The following NLRP2 variants were observed in gnomAD, a reference collection of about 807,000 sequenced individuals.
The protein encoded by NLRP2 is NACHT, LRR and PYD domains-containing protein 2.
A neutral mutation model predicts 97.2 loss-of-function variants in NLRP2; 107 were observed. That is an observed-to-expected ratio of 1.10 (90% CI 0.94 to 1.29). NLRP2 has a LOEUF of 1.29. Ranked by LOEUF, NLRP2 falls within the 50% of genes most tolerant of loss-of-function variation. NLRP2 has a pLI of 0.00. For missense variants in NLRP2, 1,495 were observed against 1,330.3 expected, an observed-to-expected ratio of 1.12 and a Z score of -1.93; for synonymous variants, 663 against 551.5, an observed-to-expected ratio of 1.20 and a Z score of -2.83.
chr19:54,969,950 G>T (rs1003668741), intron 1 of NLRP2, 49 bp from the exon 2 acceptor site: 10 of 1,572,054 alleles, frequency 6.4e-6, no homozygotes, highest in African/African-American at 2.7e-5. Context: ...TTTGAGACAG[G>T]AGTGCTAATC....
chr19:54,995,568 G>GAGCA (rs2072762157), intron 11 of NLRP2, among the ~76,000 whole-genome samples: 1 of 151,628 alleles, frequency 6.6e-6, no homozygotes. Flanking sequence ...TGGGCTACAA[G>GAGCA]AGCAAGACTC....
intron 11 of NLRP2, among the ~76,000 whole-genome samples, chr19:54,994,978 C>T (rs190090203): frequency 6.6e-6 from 1 of 151,770 alleles, no homozygotes; most frequent in African/African-American, 2.4e-5. Flanking sequence ...GTGCCTCAAG[C>T]CATTCAGCCA....
intron 11 of NLRP2, among the ~76,000 whole-genome samples, chr19:54,996,037 C>CA (rs544759995): frequency 0.041 from 3,021 of 73,138 alleles, 131 homozygotes; most frequent in African/African-American, 0.11. Flanking sequence ...GATCCTGTCT[C>CA]AAAAAAAAAA....
Position 54,983,473 on chromosome 19 carries a change from G to GT in NLRP2, c.1776dup (p.Lys593Ter). On this transcript the variant is annotated frameshift_variant, in exon 6 of 13. Coordinates refer to ENST00000448584, the MANE Select transcript of NLRP2 (RefSeq NM_017852.5). LOFTEE classifies it high-confidence loss of function. ...GAATTGCTGCGATGCGACATAAGTT[G>GT]TAAGGGTGGACATTCAACGGTGACA... 6.2e-7 allele frequency: 1 copy of GT among 1,614,216 alleles called. No homozygotes were observed. The highest frequency in any genetic ancestry group is 8.5e-7 in the Non-Finnish European group (1 of 1,180,042).
At chr19:54,974,573 C>A in intron 3 of NLRP2, 29 bp downstream of exon 3, 2 of 1,455,578 alleles carry the variant, frequency 1.4e-6, no homozygotes, top group Non-Finnish European at 1.9e-6. Flanking sequence ...AACTTTTATT[C>A]TTCATGTGAG....
At chr19:54,983,769 C>T (rs2071830342) in intron 6 of NLRP2, 41 bp downstream of exon 6, 2 of 1,601,038 alleles carry the variant, frequency 1.2e-6, no homozygotes, top group Admixed American at 3.3e-5. Context: ...CATCTTTAGC[C>T]TCATCCCATG....
intron 12 of NLRP2, among the ~76,000 whole-genome samples, chr19:54,997,897 T>A (rs1009274162): frequency 1.3e-5 from 2 of 151,882 alleles, no homozygotes; most frequent in South Asian, 4.2e-4. Context: ...TAGGTAGGTT[T>A]ATAAGCATGA....
chr19:54,993,030 G>C (rs780356052), intron 10 of NLRP2, among the ~76,000 whole-genome samples: 2 of 151,766 alleles, frequency 1.3e-5, no homozygotes, highest in African/African-American at 2.4e-5. Context: ...GACCAGCCTG[G>C]CCAACATGGT....
At position 54,985,087 on chromosome 19, in the gene NLRP2, C is replaced by CT. The variant is rs2071962819; in HGVS notation, c.2074dup (p.Cys692LeufsTer8). ...GCACATGCTTCCTTTCTGGACGGAC[C>CT]TTTGTTCCATATTTGGATCAAATAA... On this transcript the variant is annotated frameshift_variant, in exon 7 of 13. Coordinates refer to ENST00000448584, the MANE Select transcript of NLRP2 (RefSeq NM_017852.5). LOFTEE classifies it high-confidence loss of function. 1.9e-6 allele frequency: 3 copies of CT among 1,613,968 alleles called. No individual in the cohort carries two copies. In the African/African-American group the frequency reaches 4.0e-5, roughly 22 times the overall value.
intron 4 of NLRP2, among the ~76,000 whole-genome samples, chr19:54,979,966 A>G (rs1329624348): frequency 2.0e-5 from 3 of 151,836 alleles, no homozygotes; most frequent in African/African-American, 7.3e-5. Context: ...TAGTAGAGAC[A>G]GGGTTTCACC....
At chr19:54,968,367 C>T (rs941015123) in intron 1 of NLRP2, among the ~76,000 whole-genome samples, 1 of 151,914 alleles carries the variant, frequency 6.6e-6, no homozygotes, top group African/African-American at 2.4e-5. Context: ...TTTGTTTTAC[C>T]AGGCTGGAGT....
Position 54,977,784 on chromosome 19 carries a change from G to GT in NLRP2, c.359dup (p.Asp121GlyfsTer26). 6.2e-7 allele frequency: 1 copy of GT among 1,613,818 alleles called. No individual in the cohort carries two copies. The highest frequency in any genetic ancestry group is 1.1e-5 in the South Asian group (1 of 91,086). On this transcript the variant is annotated frameshift_variant, in exon 4 of 13. Transcript: ENST00000448584. LOFTEE classifies it high-confidence loss of function. ...ACGGAAAGAACGACCACCTCTAGAC[G>GT]TGGACGAAATGCTGGAGCGCTTCAA...
chr19:54,975,169 A>AGGCTGGAG (rs2146372568), intron 3 of NLRP2, among the ~76,000 whole-genome samples: 1 of 110,374 alleles, frequency 9.1e-6, no homozygotes, highest in South Asian at 3.1e-4. Flanking sequence ...TCTGTCACTT[A>AGGCTGGAG]GGCTGGAGTG....
At chr19:54,986,631 A>G (rs2072108982) in intron 8 of NLRP2, among the ~76,000 whole-genome samples, 1 of 150,590 alleles carries the variant, frequency 6.6e-6, no homozygotes, top group Middle Eastern at 3.4e-3. Context: ...GCTCACTGCA[A>G]CCTCTGTCTC....
chr19:54,983,812 A>G, intron 6 of NLRP2, 84 bp downstream of exon 6: 2 of 1,550,362 alleles, frequency 1.3e-6, no homozygotes, highest in South Asian at 1.1e-5. Context: ...CCTCCTATGC[A>G]CTGTGGCTTA....
At chr19:54,976,078 TCA>T (rs2071213954) in intron 3 of NLRP2, among the ~76,000 whole-genome samples, 4 of 151,522 alleles carry the variant, frequency 2.6e-5, no homozygotes, top group Admixed American at 6.6e-5. Context: ...GGACAAAGTC[TCA>T]CTCTGTTGCC....
At chr19:54,979,738 G>A (rs1324801830) in intron 4 of NLRP2, among the ~76,000 whole-genome samples, 1 of 152,080 alleles carries the variant, frequency 6.6e-6, no homozygotes, top group Admixed American at 6.6e-5. Flanking sequence ...TGTTTGCCCT[G>A]TTCATCTCTC....
In NLRP2 at chr19:54,994,341, G is replaced by C. The variant is rs753029151; in HGVS notation, c.2781G>C (p.Leu927=). The C allele has an allele frequency of 1.2e-6, 2 of 1,614,172 alleles. No homozygotes were observed. The highest frequency in any genetic ancestry group is 3.3e-5 in the Admixed American group (2 of 60,006). Reference sequence around the variant, plus strand: ...AGCTTCTCCAAGAAAAATCAAGCCTGTTGTGTTTGGATCTGGGGCTGAATC... The same window carrying C: ...AGCTTCTCCAAGAAAAATCAAGCCTCTTGTGTTTGGATCTGGGGCTGAATC... The part of the protein sequence containing the change: ...LTKLLQEKSS[L]LCLDLGLNHI... Residue 927 remains leucine, a synonymous_variant, in exon 11 of 13, where the codon CTG becomes CTC. Transcript: ENST00000448584.
In NLRP2 at chr19:54,974,289, G is replaced by C; in HGVS notation, c.281-211G>C. ...GAATCGCTTGAACCTGGGAGGCAGA[G>C]GTTGCAGTGAGCCAAGATTGTGCCA... On this transcript the variant is annotated intron_variant, in intron 2 of 12. Transcript: ENST00000448584. 4 of 616,062 alleles carry C rather than the reference G, an allele frequency of 6.5e-6. No homozygotes were observed. In the South Asian group the frequency reaches 7.6e-5, roughly 12 times the overall value. The allele number at this position is 616,062 out of a possible 1,614,324, so 38.2% of individuals were successfully genotyped here. A position where few individuals can be genotyped will look rare whatever the true frequency, so the allele number is the denominator to read the frequency against.
Sources: gnomAD v4.1 joint callset for allele counts (sites outside exome capture counted in the v4.1 genomes callset) on GRCh38, gnomAD v4.1.1 for gene constraint, MANE v1.5 for transcripts, NCBI Gene and HGNC (gene_info 2026-07-23, HGNC 2026-07-21) for gene names.